Variants in UNC5A observed in about 807,000 individuals in gnomAD.
The protein encoded by UNC5A is netrin receptor UNC5A.
In UNC5A, 20 loss-of-function variants were observed where a neutral mutation model predicts 87.4. The ratio of observed to expected loss-of-function variants is 0.23; its 90% CI spans 0.16 to 0.33. The LOEUF (loss-of-function observed/expected upper bound fraction) is 0.33. Ranked by LOEUF, UNC5A falls within the 10% of genes least tolerant of loss-of-function variation. UNC5A has a pLI of 1.00. For synonymous variants in UNC5A, 438 were observed against 482.3 expected (o/e 0.91, Z 1.20); for missense variants, 844 against 1,133.4 (o/e 0.74, Z 3.67).
Position 176,868,971 on chromosome 5 carries a change from C to T in UNC5A, c.721+7C>T, listed in dbSNP as rs1349131455. ...GCTGCTGTCATCGTCTACGGTGGGC[C>T]CCGGGACTCCCTGGTCACAGGGAGA... On this transcript the variant is annotated splice_region_variant and intron_variant, in intron 5 of 14. Transcript: ENST00000329542. 1.9e-6 allele frequency: 3 copies of T among 1,590,026 alleles called. No homozygotes were observed. Among genetic ancestry groups the T allele is most frequent in the South Asian group, 1.1e-5 (1 of 88,734 alleles).
At chr5:176,812,717 C>T (rs1043699372) in intron 1 of UNC5A, among the ~76,000 whole-genome samples, 1 of 152,160 alleles carries the variant, frequency 6.6e-6, no homozygotes, top group African/African-American at 2.4e-5. Flanking sequence ...CAGGTGGGCA[C>T]AGGTGCTGCA....
chr5:176,874,431 C>G lies in UNC5A; in HGVS notation c.1243C>G (p.Pro415Ala). The G allele has an allele frequency of 6.2e-7, 1 of 1,613,450 alleles. No homozygotes were observed. The highest frequency in any genetic ancestry group is 8.5e-7 in the Non-Finnish European group (1 of 1,179,862). ...GGRHTLHHSSPTSEAEEFVSR... is the reference protein window; with the variant it reads ...GGRHTLHHSSATSEAEEFVSR... ...CCGCCACACACTGCACCACAGCTCT[C>G]CCACCTCTGAGGCCGAGGAGTTCGT... Residue 415 changes from proline to alanine, a missense_variant, in exon 8 of 15, where the codon CCC (proline) becomes GCC (alanine). By Grantham distance (27) the Pro-to-Ala change is conservative. Coordinates refer to ENST00000329542, the MANE Select transcript of UNC5A (RefSeq NM_133369.3). This position sits in a 1 kb window ranked among gnomAD's most constrained non-coding sequence, Gnocchi z 7.6.
chr5:176,813,482 C>T lies in UNC5A; in HGVS notation c.70+2662C>T, dbSNP rs910729933. Among the ~76,000 whole-genome samples the T allele has an allele frequency of 7.9e-5, 12 of 152,364 alleles. 1 individual carries two copies. The highest frequency in any genetic ancestry group is 5.2e-4 in the Admixed American group (8 of 15,308). Reference sequence around the variant, plus strand: ...TAATCCTCCAGGGCTAGGAGATACCCTGTTCCTGCTCGCCCTGCCTTGCAG... The same window carrying T: ...TAATCCTCCAGGGCTAGGAGATACCTTGTTCCTGCTCGCCCTGCCTTGCAG... On this transcript the variant is annotated intron_variant, in intron 1 of 14. Transcript: ENST00000329542.
At chr5:176,868,704 C>A in intron 4 of UNC5A, 40 bp downstream of exon 4, 1 of 1,589,924 alleles carries the variant, frequency 6.3e-7, no homozygotes, top group Non-Finnish European at 8.6e-7. Flanking sequence ...ACCTGGGCTC[C>A]TGCCTGGTCA....
rs9716930 is a variant in UNC5A at position 176,830,486 on chromosome 5, C to T, written c.70+19666C>T. ...TGTGTGTGTGCTGGTGTGTGTGTGC[C>T]GGCGTATGTGTGTGCTGCTGTGTGC... On this transcript the variant is annotated intron_variant, in intron 1 of 14. Coordinates refer to ENST00000329542, the MANE Select transcript of UNC5A (RefSeq NM_133369.3). 6.4e-4 allele frequency among the ~76,000 whole-genome samples: 68 copies of T among 106,876 alleles called. 1 individual carries two copies. The highest frequency in any genetic ancestry group is 1.0e-3 in the Non-Finnish European group (57 of 54,470). The allele number at this position is 106,876 out of a possible 152,430, so 70.1% of individuals were successfully genotyped here.
chr5:176,864,674 G>T, intron 2 of UNC5A: 1 of 322,010 alleles, frequency 3.1e-6, no homozygotes, highest in Non-Finnish European at 6.3e-6. Context: ...CCCAAGTGTC[G>T]TCTCAGTGCC....
chr5:176,836,864 G>A (rs548261159), intron 1 of UNC5A, among the ~76,000 whole-genome samples: 4 of 152,364 alleles, frequency 2.6e-5, no homozygotes, highest in East Asian at 3.9e-4. Flanking sequence ...TTCCAGAAAG[G>A]TTTAGATAAG....
intron 1 of UNC5A, among the ~76,000 whole-genome samples, chr5:176,847,376 C>T (rs191053619): frequency 3.3e-5 from 5 of 152,312 alleles, no homozygotes; most frequent in Admixed American, 3.3e-4. Flanking sequence ...TCCAGGGCCT[C>T]CCTTCTATGG....
At chr5:176,870,219 G>A (rs772589077) in intron 5 of UNC5A, 151 bp from the exon 6 acceptor site, 45 of 921,306 alleles carry the variant, frequency 4.9e-5, no homozygotes, top group Non-Finnish European at 5.9e-5. Context: ...ACTAGAGGGC[G>A]TGCATCGTGG....
In UNC5A at chr5:176,848,779, C is replaced by T. The variant is rs1353027246; in HGVS notation, c.71-13845C>T. Among the ~76,000 whole-genome samples the T allele has an allele frequency of 6.6e-6, 1 of 152,180 alleles. No homozygotes were observed. The highest frequency in any genetic ancestry group is 2.4e-5 in the African/African-American group (1 of 41,436). ...GGGGCAGGAGCTGAGGCTCAGACCA[C>T]GGGCACACAAGATGGGCAGCCGCGG... On this transcript the variant is annotated intron_variant, in intron 1 of 14. Coordinates refer to ENST00000329542, the MANE Select transcript of UNC5A (RefSeq NM_133369.3). The surrounding 1 kb of genome is among the most constrained non-coding windows in gnomAD (Gnocchi z 5.8).
At chr5:176,864,083 G>A (rs2149364686) in intron 2 of UNC5A, among the ~76,000 whole-genome samples, 1 of 151,922 alleles carries the variant, frequency 6.6e-6, no homozygotes, top group East Asian at 2.0e-4. Context: ...GTGCAGCTGG[G>A]ACAAGCAGGT....
rs191415675 is a variant in UNC5A, at chr5:176,869,023, C to T, written c.721+59C>T. The T allele has an allele frequency of 1.5e-4, 227 of 1,522,170 alleles. No individual in the cohort carries two copies. The highest frequency in any genetic ancestry group is 1.9e-4 in the Non-Finnish European group (214 of 1,132,698). The allele number at this position is 1,522,170 out of a possible 1,614,324, so 94.3% of individuals were successfully genotyped here. A position where few individuals can be genotyped will look rare whatever the true frequency, so the allele number is the denominator to read the frequency against. On this transcript the variant is annotated intron_variant, in intron 5 of 14. Coordinates refer to ENST00000329542, the MANE Select transcript of UNC5A (RefSeq NM_133369.3). The surrounding 1 kb of genome is among the most constrained non-coding windows in gnomAD (Gnocchi z 9.1). ...GCACTGCGGTGCCCCTGGGCAGTGA[C>T]ATGTGGCTGGTGGGGTGAAGAGAGG... is the stretch of plus-strand genomic sequence containing the variant.
chr5:176,841,746 TAGC>T lies in UNC5A; in HGVS notation c.71-20875_71-20873del, dbSNP rs1175488004. On this transcript the variant is annotated intron_variant, in intron 1 of 14. Coordinates refer to ENST00000329542, the MANE Select transcript of UNC5A (RefSeq NM_133369.3). This position sits in a 1 kb window ranked among gnomAD's most constrained non-coding sequence, Gnocchi z 4.1. ...CCAAAGACCTGTCTGTGAAAGCTCTTAGCAGATTTACTGAAAATCATCAAAATC... is the reference window on the plus strand; with the variant it reads ...CCAAAGACCTGTCTGTGAAAGCTCTTAGATTTACTGAAAATCATCAAAATC... Among the ~76,000 whole-genome samples, 1 of 152,168 alleles carries T rather than the reference TAGC, an allele frequency of 6.6e-6. No individual in the cohort carries two copies. Among genetic ancestry groups the T allele is most frequent in the African/African-American group, 2.4e-5 (1 of 41,438 alleles).
intron 1 of UNC5A, among the ~76,000 whole-genome samples, chr5:176,852,619 G>T (rs564897293): frequency 6.7e-4 from 102 of 152,334 alleles, no homozygotes; most frequent in African/African-American, 2.4e-3. Context: ...TTAGACCTCA[G>T]CTTTATTAAC....
At chr5:176,846,282 A>C (rs1398586065) in intron 1 of UNC5A, among the ~76,000 whole-genome samples, 2 of 151,810 alleles carry the variant, frequency 1.3e-5, no homozygotes, top group African/African-American at 2.4e-5. Flanking sequence ...AACCAGAGAC[A>C]GAGGGGTCTT....
At position 176,868,928 on chromosome 5, in the gene UNC5A, C is replaced by T. The variant is rs779405939; in HGVS notation, c.685C>T (p.Arg229Cys). Reference protein sequence around the residue: ...YTCVAKNIVARRRSASAAVIV... With the variant: ...YTCVAKNIVACRRSASAAVIV... ...CTGCGTGGCCAAGAACATCGTGGCA[C>T]GTCGCCGCAGCGCCTCCGCTGCTGT... Residue 229 changes from arginine (R) to cysteine (C), a missense_variant, in exon 5 of 15, where the codon CGT becomes TGT. Coordinates refer to ENST00000329542, the MANE Select transcript of UNC5A (RefSeq NM_133369.3). 5 of 1,611,622 alleles carry T rather than the reference C, an allele frequency of 3.1e-6. No homozygotes were observed. Among genetic ancestry groups the T allele is most frequent in the African/African-American group, 1.3e-5 (1 of 75,032 alleles).
Position 176,821,716 on chromosome 5 carries a change from G to C in UNC5A, c.70+10896G>C, listed in dbSNP as rs1309591822. On this transcript the variant is annotated intron_variant, in intron 1 of 14. Transcript: ENST00000329542. Reference sequence around the variant, plus strand: ...GTAGTGATTGGCTGTCCTGAGCCAGGACGAGCTGGCCGCATACACCACTGC... The same window carrying C: ...GTAGTGATTGGCTGTCCTGAGCCAGCACGAGCTGGCCGCATACACCACTGC... Among the ~76,000 whole-genome samples the C allele has an allele frequency of 3.9e-5, 6 of 152,358 alleles. No homozygotes were observed. In the East Asian group the frequency reaches 7.7e-4, roughly 20 times the overall value.
At chr5:176,877,502 CTTT>C in intron 9 of UNC5A, 30 bp from the exon 10 acceptor site, 1 of 1,558,922 alleles carries the variant, frequency 6.4e-7, no homozygotes. Flanking sequence ...CCACTGACAC[CTTT>C]CCCTCCCCAC....
chr5:176,816,818 C>A (rs952947747), intron 1 of UNC5A, among the ~76,000 whole-genome samples: 2 of 152,236 alleles, frequency 1.3e-5, no homozygotes, highest in Non-Finnish European at 2.9e-5. Context: ...TCCTCTCCTT[C>A]GGGAAGTGGG....
Sources: gnomAD v4.1 joint callset for allele counts (sites outside exome capture counted in the v4.1 genomes callset) on GRCh38, gnomAD v4.1.1 for gene constraint, Gnocchi (gnomAD v3.1) non-coding constraint, MANE v1.5 for transcripts, NCBI Gene and HGNC (gene_info 2026-07-23, HGNC 2026-07-21) for gene names.